DNMBP: variants seen among roughly 807,000 people sequenced by gnomAD.
The protein encoded by DNMBP is dynamin-binding protein.
A neutral mutation model predicts 150.0 loss-of-function variants in DNMBP; 87 were observed. The observed-to-expected ratio is 0.58, with a 90% CI of 0.49 to 0.69. The LOEUF (loss-of-function observed/expected upper bound fraction) is 0.69, where lower values mean the gene tolerates loss of function less well. DNMBP is among the 30% of genes least tolerant of loss of function. DNMBP has a pLI of 0.00. For missense variants in DNMBP, 1,774 were observed against 1,949.0 expected, an observed-to-expected ratio of 0.91 and a Z score of 1.69; for synonymous variants, 711 against 750.4, an observed-to-expected ratio of 0.95 and a Z score of 0.86.
chr10:99,956,423 A>T lies in DNMBP; in HGVS notation c.1051T>A (p.Cys351Ser). The change falls in exon 4 of 17, where the codon TGC becomes AGC. Residue 351 changes from cysteine to serine, a missense_variant. Cys to Ser is a moderately radical substitution (Grantham distance 112, BLOSUM62 -1). Coordinates refer to ENST00000324109, the MANE Select transcript of DNMBP (RefSeq NM_015221.4). ...TSDHEAEEPD[C>S]IISEAPTSPL... ...GAAGTGGGTGCTTCAGAAATAATGC[A>T]GTCAGGCTCCTCGGCCTCATGGTCA... The T allele has an allele frequency of 6.2e-7, 1 of 1,613,988 alleles. No individual in the cohort carries two copies. The highest frequency in any genetic ancestry group is 8.5e-7 in the Non-Finnish European group (1 of 1,179,986).
intron 15 of DNMBP, among the ~76,000 whole-genome samples, chr10:99,881,629 A>G (rs993957415): frequency 5.1e-4 from 78 of 152,340 alleles, no homozygotes; most frequent in African/African-American, 1.9e-3. Flanking sequence ...CTCAAGTTTG[A>G]GTAGATAAAA....
intron 1 of DNMBP, among the ~76,000 whole-genome samples, chr10:99,980,496 C>T (rs1244565841): frequency 6.6e-6 from 1 of 150,596 alleles, no homozygotes; most frequent in African/African-American, 2.4e-5. Flanking sequence ...AGTGCTACAA[C>T]ACAGATGAAC....
In DNMBP at chr10:99,886,484, T is replaced by G. The variant is rs754259683; in HGVS notation, c.3434A>C (p.Lys1145Thr). The part of the protein sequence containing the change: ...TERAEKLKDK[K>T]TLEELQSARN... ...GGCCGACTGCAGCTCCTCCAGGGTC[T>G]TCTTGTCCTTTAGCTTTTCTGCCCG... is the stretch of plus-strand genomic sequence containing the variant. Residue 1145 changes from lysine to threonine, a missense_variant, in exon 13 of 17, where the codon AAG becomes ACG. By Grantham distance (78) the Lys-to-Thr change is moderately conservative. Around this residue, in one of 2 missense-constraint regions of DNMBP, gnomAD observed 1,430 missense variants for 1,492.5 expected, o/e 0.96. Coordinates refer to ENST00000324109, the MANE Select transcript of DNMBP (RefSeq NM_015221.4). 13 of 1,614,096 alleles carry G rather than the reference T, an allele frequency of 8.1e-6. No homozygotes were observed. Among genetic ancestry groups the G allele is most frequent in the Admixed American group, 5.0e-5 (3 of 60,004 alleles).
chr10:99,993,820 T>C (rs2040923564), intron 1 of DNMBP, among the ~76,000 whole-genome samples: 1 of 151,806 alleles, frequency 6.6e-6, no homozygotes, highest in Non-Finnish European at 1.5e-5. Context: ...ACTGTGAAGG[T>C]AGAAAAAAAA....
At chr10:99,906,567 C>T (rs777815937) in intron 6 of DNMBP, among the ~76,000 whole-genome samples, 4 of 152,178 alleles carry the variant, frequency 2.6e-5, no homozygotes, top group Non-Finnish European at 5.9e-5. Context: ...CGTGCTTGCT[C>T]TTGCGTGCTC....
At chr10:99,909,562 GAAT>G (rs1184389110) in intron 4 of DNMBP, among the ~76,000 whole-genome samples, 4 of 152,234 alleles carry the variant, frequency 2.6e-5, no homozygotes, top group Middle Eastern at 3.4e-3. Flanking sequence ...ACATTAAACA[GAAT>G]ATTATGGGGA....
At chr10:99,887,777 C>T (rs2039493007) in intron 12 of DNMBP, among the ~76,000 whole-genome samples, 1 of 152,048 alleles carries the variant, frequency 6.6e-6, no homozygotes, top group African/African-American at 2.4e-5. Context: ...TTAAACAATC[C>T]CATATATATG....
chr10:99,987,154 C>CA (rs796177770), intron 1 of DNMBP, among the ~76,000 whole-genome samples: 60,655 of 121,632 alleles, frequency 0.5, 14,254 homozygotes, highest in African/African-American at 0.59. Context: ...GACTCCATCT[C>CA]AAAAAAAAAA....
At chr10:99,915,924 T>C (rs1036628126) in intron 4 of DNMBP, among the ~76,000 whole-genome samples, 3 of 152,200 alleles carry the variant, frequency 2.0e-5, no homozygotes, top group South Asian at 2.1e-4. Flanking sequence ...TCTTTACCAA[T>C]AGCTATTCTG....
chr10:99,918,574 C>CTTTTTTTTTT lies in DNMBP; in HGVS notation c.2261-9438_2261-9429dup, dbSNP rs71009786. On this transcript the variant is annotated intron_variant, in intron 4 of 16. Transcript: ENST00000324109. The stretch of plus-strand genomic sequence containing the variant: ...CCCAAATTACAGGAGTCTGCAACTT[C>CTTTTTTTTTT]TTTTTTTTTTTTGAAAAGGAGTCTC... Among the ~76,000 whole-genome samples the CTTTTTTTTTT allele has an allele frequency of 6.1e-4, 84 of 137,910 alleles. 1 individual carries two copies. Among genetic ancestry groups the CTTTTTTTTTT allele is most frequent in the Middle Eastern group, 3.9e-3 (1 of 254 alleles). The allele number at this position is 137,910 out of a possible 152,430, so 90.5% of individuals were successfully genotyped here.
chr10:99,991,244 G>A (rs988308046), intron 1 of DNMBP, among the ~76,000 whole-genome samples: 21 of 151,838 alleles, frequency 1.4e-4, no homozygotes, highest in African/African-American at 5.1e-4. Context: ...ATGCCCGGCT[G>A]ATGTTTGTAT....
Position 99,885,725 on chromosome 10 carries a change from T to C in DNMBP, c.3760A>G (p.Ile1254Val), listed in dbSNP as rs965400801. ...ATKKPFERKT[I>V]DRQSARKPLL... ...GGCTTTCGAGCAGACTGGCGGTCAA[T>C]GGTTTTCCTCTCAAATGGCTTCTTG... The change falls in exon 14 of 17, where the codon ATT (isoleucine) becomes GTT (valine). Residue 1254 changes from isoleucine (I) to valine (V), a missense_variant. Coordinates refer to ENST00000324109, the MANE Select transcript of DNMBP (RefSeq NM_015221.4). The C allele has an allele frequency of 3.8e-6, 6 of 1,588,436 alleles. No homozygotes were observed. In the Admixed American group the frequency reaches 7.0e-5, roughly 19 times the overall value.
chr10:99,903,027 T>G (rs1315301259), intron 6 of DNMBP, among the ~76,000 whole-genome samples: 1 of 151,510 alleles, frequency 6.6e-6, no homozygotes, highest in African/African-American at 2.4e-5. Context: ...CTCCAACACC[T>G]GGGCTCAACC....
intron 14 of DNMBP, among the ~76,000 whole-genome samples, chr10:99,885,197 A>C (rs1564715231): frequency 6.6e-6 from 1 of 152,118 alleles, no homozygotes; most frequent in African/African-American, 2.4e-5. Context: ...ATGAATTAAT[A>C]CTGGGTTAAT....
At chr10:99,993,733 T>A (rs1054641724) in intron 1 of DNMBP, among the ~76,000 whole-genome samples, 1 of 151,982 alleles carries the variant, frequency 6.6e-6, no homozygotes, top group African/African-American at 2.4e-5. Context: ...GCCTGGGAGA[T>A]TTGAGGCTGC....
chr10:99,963,747 T>C (rs976850035), intron 3 of DNMBP, among the ~76,000 whole-genome samples: 4 of 149,016 alleles, frequency 2.7e-5, no homozygotes, highest in Non-Finnish European at 1.5e-5. Flanking sequence ...GCAGGTCTTC[T>C]TAGAATCGGA....
intron 3 of DNMBP, among the ~76,000 whole-genome samples, chr10:99,965,084 T>G (rs541242405): frequency 1.3e-5 from 2 of 152,206 alleles, no homozygotes; most frequent in Non-Finnish European, 2.9e-5. Context: ...AGCACATCAA[T>G]GAAGCCCAGG....
chr10:99,929,306 AAAGT>A (rs2040118707), intron 4 of DNMBP, among the ~76,000 whole-genome samples: 1 of 152,118 alleles, frequency 6.6e-6, no homozygotes, highest in Admixed American at 6.5e-5. Flanking sequence ...CAAAAACATG[AAAGT>A]AAGAAAGGAA....
intron 4 of DNMBP, among the ~76,000 whole-genome samples, chr10:99,917,798 T>TAA (rs1241511629): frequency 6.6e-6 from 1 of 150,814 alleles, no homozygotes; most frequent in Non-Finnish European, 1.5e-5. Flanking sequence ...ACCCCGTCTC[T>TAA]AAAAAAAATA....
Sources: gnomAD v4.1 joint callset for allele counts (sites outside exome capture counted in the v4.1 genomes callset) on GRCh38, gnomAD v4.1.1 for gene constraint, gnomAD v4.1.1 regional missense constraint, MANE v1.5 for transcripts, NCBI Gene and HGNC (gene_info 2026-07-23, HGNC 2026-07-21) for gene names.